KCTD19: variants seen among roughly 807,000 people sequenced by gnomAD.
KCTD19 encodes BTB/POZ domain-containing protein KCTD19.
KCTD19 carries 67 observed loss-of-function variants against 103.5 expected under a neutral mutation model. That is an observed-to-expected ratio of 0.65 (90% CI 0.53 to 0.79). The LOEUF (loss-of-function observed/expected upper bound fraction) is 0.79, where lower values mean the gene tolerates loss of function less well. Ranked by LOEUF, KCTD19 falls within the 30% of genes least tolerant of loss-of-function variation. KCTD19 has a pLI of 0.00. For synonymous variants in KCTD19, 439 were observed against 452.2 expected, an observed-to-expected ratio of 0.97 and a Z score of 0.37; for missense variants, 980 against 1,136.1, an observed-to-expected ratio of 0.86 and a Z score of 1.98.
chr16:67,294,458 C>A, intron 11 of KCTD19, 122 bp downstream of exon 11: 1 of 730,932 alleles, frequency 1.4e-6, no homozygotes, highest in South Asian at 1.7e-5. Context: ...CCTAGGAACC[C>A]ATGTAGGCTC....
Position 67,289,537 on chromosome 16 carries a change from G to A in KCTD19, c.*32C>T, listed in dbSNP as rs1474679023. The stretch of plus-strand genomic sequence containing the variant: ...CTCCAATTAAAATGAGACTTGGCGG[G>A]TGGGGCATGAGGGGCTGCATCTCTG... On this transcript the variant is annotated 3_prime_UTR_variant, in exon 16 of 16. Transcript: ENST00000304372. The A allele has an allele frequency of 7.6e-7, 1 of 1,316,670 alleles. No homozygotes were observed. Among genetic ancestry groups the A allele is most frequent in the Non-Finnish European group, 1.1e-6 (1 of 909,678 alleles). The allele number at this position is 1,316,670 out of a possible 1,614,324, so 81.6% of individuals were successfully genotyped here. A position where few individuals can be genotyped will look rare whatever the true frequency, so the allele number is the denominator to read the frequency against.
rs8047484 is a variant in KCTD19 at position 67,295,424 on chromosome 16, C to T, written c.1249-19G>A. The T allele has an allele frequency of 0.016, 25,809 of 1,601,570 alleles. 3,342 individuals are homozygous for T. The African/African-American group carries it at 0.29, about 18-fold the overall frequency. ...CTGGATACTGGAGGGGGTTGGACAC[C>T]GGACTCAGTCTCAGAGGCTAGGTCT... On this transcript the variant is annotated intron_variant, in intron 8 of 15. Transcript: ENST00000304372.
intron 6 of KCTD19, among the ~76,000 whole-genome samples, chr16:67,298,127 G>A (rs942211332): frequency 2.0e-5 from 3 of 151,690 alleles, no homozygotes; most frequent in Non-Finnish European, 2.9e-5. Flanking sequence ...CTGAGTAGCT[G>A]GGACTACAGG....
At chr16:67,313,026 A>G (rs1283966453) in intron 2 of KCTD19, among the ~76,000 whole-genome samples, 1 of 152,196 alleles carries the variant, frequency 6.6e-6, no homozygotes, top group Non-Finnish European at 1.5e-5. Flanking sequence ...TCTGTGTTAC[A>G]GCTTGAGAGC....
chr16:67,297,265 T>C (rs1431973147), intron 7 of KCTD19, among the ~76,000 whole-genome samples: 1 of 152,192 alleles, frequency 6.6e-6, no homozygotes, highest in Non-Finnish European at 1.5e-5. Context: ...CTGGGGGTCC[T>C]GCGTGGCCCC....
At chr16:67,304,226 TGGA>T (rs539859377) in intron 3 of KCTD19, among the ~76,000 whole-genome samples, 192 bp downstream of exon 3, 1 of 151,982 alleles carries the variant, frequency 6.6e-6, no homozygotes, top group Non-Finnish European at 1.5e-5. Context: ...GGAGTGAGTG[TGGA>T]GGAGAATGTT....
chr16:67,294,906 G>A, intron 10 of KCTD19, 67 bp downstream of exon 10: 1 of 1,286,678 alleles, frequency 7.8e-7, no homozygotes, highest in African/African-American at 1.5e-5. Flanking sequence ...TAGGACTTAG[G>A]ACAGGATTTC....
At position 67,289,543 on chromosome 16, in the gene KCTD19, C is replaced by T. The variant is rs754491719; in HGVS notation, c.*26G>A. On this transcript the variant is annotated 3_prime_UTR_variant, in exon 16 of 16. Transcript: ENST00000304372. ...TTAAAATGAGACTTGGCGGGTGGGG[C>T]ATGAGGGGCTGCATCTCTGGGCACC... 4 of 1,396,144 alleles carry T rather than the reference C, an allele frequency of 2.9e-6. No homozygotes were observed. The highest frequency in any genetic ancestry group is 1.7e-5 in the Admixed American group (1 of 59,482). 86.5% of individuals were successfully genotyped at this position (1,396,144 alleles called of 1,614,324 possible).
At chr16:67,314,176 C>T (rs113818840) in intron 2 of KCTD19, among the ~76,000 whole-genome samples, 7 of 146,870 alleles carry the variant, frequency 4.8e-5, no homozygotes, top group African/African-American at 1.8e-4. Context: ...CTCCCTCCCT[C>T]CTCCCCTTCT....
intron 1 of KCTD19, chr16:67,326,147 A>T (rs894718919): frequency 6.6e-6 from 1 of 152,208 alleles, no homozygotes; most frequent in African/African-American, 2.4e-5. Flanking sequence ...GCTGGTCTTG[A>T]ACTCTTGACC....
chr16:67,292,338 G>A (rs2036708976), intron 12 of KCTD19, among the ~76,000 whole-genome samples: 1 of 152,190 alleles, frequency 6.6e-6, no homozygotes, highest in African/African-American at 2.4e-5. Context: ...CCCTGGGCTG[G>A]CAGGGGCCTG....
At chr16:67,304,278 C>T in intron 3 of KCTD19, 143 bp downstream of exon 3, 2 of 790,826 alleles carry the variant, frequency 2.5e-6, no homozygotes, top group Admixed American at 4.6e-5. Context: ...GGGCCTGTGG[C>T]AGGGCAGAAG....
chr16:67,314,855 A>G (rs2036991438), intron 2 of KCTD19, among the ~76,000 whole-genome samples: 1 of 142,314 alleles, frequency 7.0e-6, no homozygotes, highest in Non-Finnish European at 1.5e-5. Context: ...AGAGAGAGAG[A>G]GAGAGAGAGA....
At chr16:67,296,088 A>C in intron 8 of KCTD19, 71 bp downstream of exon 8, 1 of 896,346 alleles carries the variant, frequency 1.1e-6, no homozygotes, top group Non-Finnish European at 1.9e-6. Flanking sequence ...TGTGAGGGCC[A>C]GGTGATGGCC....
Position 67,301,940 on chromosome 16 carries a change from A to G in KCTD19, c.644-18T>C. 1 of 1,613,448 alleles carries G rather than the reference A, an allele frequency of 6.2e-7. No individual in the cohort carries two copies. Among genetic ancestry groups the G allele is most frequent in the Non-Finnish European group, 8.5e-7 (1 of 1,179,580 alleles). The stretch of plus-strand genomic sequence containing the variant: ...AAAATTCACTTGAAAAACAAAGGGG[A>G]ACACAGTGAGTTAATGAGGCTATTT... On this transcript the variant is annotated intron_variant, in intron 4 of 15. Transcript: ENST00000304372.
At chr16:67,314,229 C>T (rs192475961) in intron 2 of KCTD19, among the ~76,000 whole-genome samples, 3 of 148,324 alleles carry the variant, frequency 2.0e-5, no homozygotes, top group Non-Finnish European at 4.5e-5. Flanking sequence ...TCTCTCTCTC[C>T]CTCCCTCCCT....
intron 5 of KCTD19, 89 bp from the exon 6 acceptor site, chr16:67,299,662 CAT>C: frequency 6.6e-6 from 7 of 1,056,306 alleles, no homozygotes; most frequent in African/African-American, 1.6e-5. Context: ...CTGCTGCCTC[CAT>C]TGTACCGAGG....
rs748367151 is a variant in KCTD19, at chr16:67,305,689, G to C, written c.301-1118C>G. On this transcript the variant is annotated intron_variant, in intron 2 of 15. Coordinates refer to ENST00000304372, the MANE Select transcript of KCTD19 (RefSeq NM_001100915.3). ...TCTTTACGCTAGAAGAAGATACATA[G>C]TATTTTCCCAATAAATTTCCGGATA... The C allele has an allele frequency of 1.3e-4, 56 of 428,676 alleles. 1 individual carries two copies. Among genetic ancestry groups the C allele is most frequent in the Non-Finnish European group, 2.3e-4 (49 of 211,570 alleles). 26.6% of individuals were successfully genotyped at this position (428,676 alleles called of 1,614,324 possible).
chr16:67,306,552 G>A (rs1304451368), intron 2 of KCTD19, among the ~76,000 whole-genome samples: 1 of 152,114 alleles, frequency 6.6e-6, no homozygotes, highest in Non-Finnish European at 1.5e-5. Context: ...GAGCCACCGT[G>A]CCCGTCCTGC....
Sources: gnomAD v4.1 joint callset for allele counts (sites outside exome capture counted in the v4.1 genomes callset) on GRCh38, gnomAD v4.1.1 for gene constraint, MANE v1.5 for transcripts, NCBI Gene and HGNC (gene_info 2026-07-23, HGNC 2026-07-21) for gene names.